The following GLRX3 variants were observed in gnomAD, a reference collection of about 807,000 sequenced individuals.
GLRX3 encodes the protein glutaredoxin-3.
In GLRX3, 22 loss-of-function variants were observed where a neutral mutation model predicts 49.5. The ratio of observed to expected loss-of-function variants is 0.44; its 90% CI spans 0.32 to 0.63. GLRX3 has a LOEUF of 0.63. Ranked by LOEUF, GLRX3 falls within the 30% of genes least tolerant of loss-of-function variation. The pLI, the probability that GLRX3 is intolerant of heterozygous loss-of-function variation, is 0.05. For missense variants in GLRX3, 385 were observed against 396.3 expected (o/e 0.97, Z 0.24); for synonymous variants, 133 against 140.0 (o/e 0.95, Z 0.35).
At chr10:130,156,168 A>G (rs1269074656) in intron 2 of GLRX3, among the ~76,000 whole-genome samples, 2 of 152,210 alleles carry the variant, frequency 1.3e-5, no homozygotes, top group African/African-American at 4.8e-5. Flanking sequence ...AGGCTGGGAA[A>G]TCCAAGATCA....
At chr10:130,160,720 C>T (rs1862558134) in intron 3 of GLRX3, 76 bp from the exon 4 acceptor site, 1 of 835,134 alleles carries the variant, frequency 1.2e-6, no homozygotes, top group Admixed American at 1.8e-5. Context: ...TACTGTTGTC[C>T]CCTTTAAAAA....
intron 4 of GLRX3, among the ~76,000 whole-genome samples, chr10:130,165,806 A>C (rs1288875576): frequency 6.6e-6 from 1 of 152,238 alleles, no homozygotes; most frequent in East Asian, 1.9e-4. Flanking sequence ...GTTAAAAATA[A>C]CAATTGTAGA....
At chr10:130,171,274 A>G (rs1012873008) in intron 7 of GLRX3, among the ~76,000 whole-genome samples, 5 of 152,348 alleles carry the variant, frequency 3.3e-5, no homozygotes, top group African/African-American at 1.2e-4. Flanking sequence ...ATGAACTCAA[A>G]TCTCTGTAGA....
Position 130,173,348 on chromosome 10 carries a change from C to G in GLRX3, c.825-1519C>G, listed in dbSNP as rs541584792. On this transcript the variant is annotated intron_variant, in intron 8 of 10. Transcript: ENST00000331244. The stretch of plus-strand genomic sequence containing the variant: ...GCTTTGGGAGAGCATGACCTCCCAG[C>G]TCTGGACTTGCTAAGCGTGATTGGC... Among the ~76,000 whole-genome samples, 52 of 152,296 alleles carry G rather than the reference C, an allele frequency of 3.4e-4. No individual in the cohort carries two copies. In the Middle Eastern group the frequency reaches 0.024, roughly 70 times the overall value.
chr10:130,178,440 G>A (rs1307133200), intron 10 of GLRX3, among the ~76,000 whole-genome samples: 1 of 151,176 alleles, frequency 6.6e-6, no homozygotes, highest in Admixed American at 6.6e-5. Flanking sequence ...TTTTTTAATA[G>A]AGATGGGTTT....
intron 2 of GLRX3, among the ~76,000 whole-genome samples, chr10:130,158,194 A>G (rs1862512990): frequency 6.6e-6 from 1 of 151,988 alleles, no homozygotes; most frequent in Non-Finnish European, 1.5e-5. Context: ...GCAGGAATAT[A>G]AGAATGTAAG....
chr10:130,157,035 C>T (rs1179761052), intron 2 of GLRX3, among the ~76,000 whole-genome samples: 1 of 152,170 alleles, frequency 6.6e-6, no homozygotes, highest in Non-Finnish European at 1.5e-5. Flanking sequence ...ATTTATTAGC[C>T]ATGTATCTTT....
Position 130,174,903 on chromosome 10 carries a change from A to G in GLRX3, c.861A>G (p.Glu287=). The G allele has an allele frequency of 1.3e-6, 2 of 1,599,368 alleles. No individual in the cohort carries two copies. The change falls in exon 9 of 11, where the codon GAA becomes GAG. Residue 287 remains glutamate (E), a synonymous_variant. Transcript: ENST00000331244. ...EYETFDILED[E]EVRQGLKAYS... ...AAACATTCGATATATTGGAGGATGA[A>G]GAAGTAAGTTCTGTGTTTGATGTTT...
In GLRX3 at chr10:130,174,918, G is replaced by T; in HGVS notation, c.864+12G>T. The T allele has an allele frequency of 6.3e-7, 1 of 1,593,472 alleles. No homozygotes were observed. Reference sequence around the variant, plus strand: ...TGGAGGATGAAGAAGTAAGTTCTGTGTTTGATGTTTCACCCTTGTCTTAGC... The same window carrying T: ...TGGAGGATGAAGAAGTAAGTTCTGTTTTTGATGTTTCACCCTTGTCTTAGC... On this transcript the variant is annotated intron_variant, in intron 9 of 10. Transcript: ENST00000331244.
chr10:130,148,913 A>T (rs1862319183), intron 2 of GLRX3, among the ~76,000 whole-genome samples: 2 of 151,992 alleles, frequency 1.3e-5, no homozygotes, highest in Admixed American at 6.6e-5. Flanking sequence ...ATAAAAATTT[A>T]AAAAACTAGC....
Position 130,169,421 on chromosome 10 carries a change from T to G in GLRX3, c.714-12T>G, listed in dbSNP as rs1323473525. The G allele has an allele frequency of 1.1e-5, 18 of 1,593,854 alleles. No homozygotes were observed. The highest frequency in any genetic ancestry group is 1.5e-5 in the Non-Finnish European group (18 of 1,161,610). On this transcript the variant is annotated splice_polypyrimidine_tract_variant and intron_variant, in intron 6 of 10. Transcript: ENST00000331244. ...TGAGCTGAGCCGTTTTATATCAATT[T>G]TCTCTCTTTAGGCTCAAAGTGCTGA...
At chr10:130,176,148 T>C (rs1862914666) in intron 10 of GLRX3, among the ~76,000 whole-genome samples, 1 of 150,954 alleles carries the variant, frequency 6.6e-6, no homozygotes, top group African/African-American at 2.4e-5. Flanking sequence ...TTTGAGAGAG[T>C]TTCGCTCTTG....
At chr10:130,155,713 T>G (rs561615155) in intron 2 of GLRX3, among the ~76,000 whole-genome samples, 1 of 151,952 alleles carries the variant, frequency 6.6e-6, no homozygotes, top group African/African-American at 2.4e-5. Flanking sequence ...TGGGAAGAAG[T>G]TGGGAGTTGT....
At chr10:130,177,340 GT>G (rs2134933375) in intron 10 of GLRX3, among the ~76,000 whole-genome samples, 1 of 152,316 alleles carries the variant, frequency 6.6e-6, no homozygotes, top group East Asian at 1.9e-4. Flanking sequence ...ACTTAAGACA[GT>G]TTGTTGAGAG....
intron 1 of GLRX3, 114 bp from the exon 2 acceptor site, chr10:130,145,097 C>T: frequency 2.0e-6 from 1 of 503,744 alleles, no homozygotes; most frequent in Non-Finnish European, 3.5e-6. Flanking sequence ...ATATGAAAAA[C>T]TTCAGACGGT....
chr10:130,159,074 A>G (rs1220064615), intron 2 of GLRX3, among the ~76,000 whole-genome samples: 1 of 152,192 alleles, frequency 6.6e-6, no homozygotes, highest in East Asian at 1.9e-4. Flanking sequence ...TTGGAAAAAT[A>G]CAGTGTATAT....
intron 10 of GLRX3, among the ~76,000 whole-genome samples, chr10:130,176,245 G>C (rs1313341074): frequency 6.6e-6 from 1 of 151,202 alleles, no homozygotes; most frequent in Non-Finnish European, 1.5e-5. Flanking sequence ...TCAGCCTCCT[G>C]AGTAGCTGGG....
At chr10:130,171,043 G>T (rs1388472695) in intron 7 of GLRX3, among the ~76,000 whole-genome samples, 2 of 151,942 alleles carry the variant, frequency 1.3e-5, no homozygotes, top group Non-Finnish European at 1.5e-5. Context: ...CAGGAGAATC[G>T]CTTGAACCTG....
rs769835521 is a variant in GLRX3, at chr10:130,145,268, C to A, written c.150C>A (p.Asn50Lys). 1.3e-6 allele frequency: 2 copies of A among 1,580,484 alleles called. No homozygotes were observed. Among genetic ancestry groups the A allele is most frequent in the Non-Finnish European group, 1.7e-6 (2 of 1,150,128 alleles). ...GGGCTCCACAGTGTGCACAGATGAA[C>A]GAAGTTATGGCAGAGTTAGCTAAAG... Reference protein sequence around the residue: ...APWAPQCAQMNEVMAELAKEL... With the variant: ...APWAPQCAQMKEVMAELAKEL... The change falls in exon 2 of 11, where the codon AAC becomes AAA. Residue 50 changes from asparagine (N) to lysine (K), a missense_variant. Coordinates refer to ENST00000331244, the MANE Select transcript of GLRX3 (RefSeq NM_006541.5).
Sources: allele counts gnomAD v4.1 joint callset (sites outside exome capture counted in the v4.1 genomes callset), GRCh38; gene constraint gnomAD v4.1.1; transcripts MANE v1.5; gene names NCBI Gene and HGNC (gene_info 2026-07-23, HGNC 2026-07-21).